The following SGO2 variants were observed in gnomAD, a reference collection of about 807,000 sequenced individuals.
SGO2 encodes shugoshin 2.
In SGO2, 68 loss-of-function variants were observed where a neutral mutation model predicts 99.5. The ratio of observed to expected loss-of-function variants is 0.68; its 90% CI spans 0.56 to 0.84. SGO2 has a LOEUF of 0.84. Among genes scored for constraint, SGO2 ranks in the 40% least tolerant of loss-of-function variants. The pLI, the probability that SGO2 is intolerant of heterozygous loss-of-function variation, is 0.00. For missense variants in SGO2, 1,350 were observed against 1,436.7 expected (o/e 0.94, Z 0.97); for synonymous variants, 457 against 487.1 (o/e 0.94, Z 0.81).
chr2:200,574,125 A>G (rs924742907), intron 7 of SGO2, 148 bp downstream of exon 7: 6 of 526,998 alleles, frequency 1.1e-5, no homozygotes, highest in Non-Finnish European at 1.9e-5. Flanking sequence ...ATCCATAGAA[A>G]TAGCATGAAG....
chr2:200,545,459 G>A (rs1180841021), intron 5 of SGO2, among the ~76,000 whole-genome samples: 1 of 151,414 alleles, frequency 6.6e-6, no homozygotes, highest in Non-Finnish European at 1.5e-5. Context: ...ACTAATTTTT[G>A]TGTCCTTTTG....
At chr2:200,575,488 G>A in intron 8 of SGO2, 27 bp downstream of exon 8, 2 of 1,510,962 alleles carry the variant, frequency 1.3e-6, no homozygotes, top group Non-Finnish European at 1.8e-6. Context: ...ATTTTAGTAT[G>A]CCATTATAAA....
chr2:200,556,843 CAGAGACAG>C (rs1013622899), intron 5 of SGO2, among the ~76,000 whole-genome samples: 9 of 152,062 alleles, frequency 5.9e-5, no homozygotes, highest in African/African-American at 1.7e-4. Flanking sequence ...GAGACAGAGA[CAGAGACAG>C]AGAGACAGAG....
intron 5 of SGO2, among the ~76,000 whole-genome samples, chr2:200,568,507 G>A (rs576022111): frequency 1.6e-4 from 24 of 152,176 alleles, no homozygotes; most frequent in African/African-American, 4.6e-4. Flanking sequence ...TAGCTGCTTC[G>A]AATCTTCCTC....
intron 5 of SGO2, among the ~76,000 whole-genome samples, chr2:200,556,831 G>GAGAGAC (rs556227851): frequency 2.6e-5 from 4 of 152,174 alleles, no homozygotes; most frequent in African/African-American, 9.6e-5. Flanking sequence ...GAGAGAGAGA[G>GAGAGAC]AGAGACAGAG....
At position 200,537,706 on chromosome 2, in the gene SGO2, T is replaced by C. The variant is rs142315251; in HGVS notation, c.387+1564T>C. 1.7e-4 allele frequency among the ~76,000 whole-genome samples: 26 copies of C among 152,268 alleles called. No individual in the cohort carries two copies. The East Asian group carries it at 4.4e-3, about 26-fold the overall frequency. ...TCCTAAATAATTTTATTCTATCTTA[T>C]GGTTTTAATTACTGCTATACACTGT... On this transcript the variant is annotated intron_variant, in intron 4 of 8. Coordinates refer to ENST00000357799, the MANE Select transcript of SGO2 (RefSeq NM_152524.6).
intron 5 of SGO2, among the ~76,000 whole-genome samples, chr2:200,544,721 A>ATCTT (rs1478065510): frequency 1.3e-5 from 2 of 151,822 alleles, no homozygotes; most frequent in African/African-American, 2.4e-5. Context: ...CTATCTATCT[A>ATCTT]TCTATCTATC....
At chr2:200,546,026 C>T (rs890611423) in intron 5 of SGO2, among the ~76,000 whole-genome samples, 2 of 152,138 alleles carry the variant, frequency 1.3e-5, no homozygotes, top group South Asian at 4.1e-4. Flanking sequence ...AACTCCTAGC[C>T]AGCCTTCCCA....
chr2:200,568,349 G>T (rs754135026), intron 5 of SGO2, among the ~76,000 whole-genome samples: 2 of 151,992 alleles, frequency 1.3e-5, no homozygotes, highest in African/African-American at 4.8e-5. Flanking sequence ...ATTGCACCTG[G>T]GTATTGTGTA....
At chr2:200,558,378 T>G (rs1255610665) in intron 5 of SGO2, among the ~76,000 whole-genome samples, 2 of 152,144 alleles carry the variant, frequency 1.3e-5, no homozygotes, top group African/African-American at 4.8e-5. Flanking sequence ...TTTCTGTCAC[T>G]ATTGAGTAGA....
intron 8 of SGO2, 115 bp from the exon 9 acceptor site, chr2:200,583,334 G>A: frequency 1.3e-6 from 1 of 781,098 alleles, no homozygotes. Context: ...CAAAGCTTAT[G>A]GTTTAAGGAA....
intron 8 of SGO2, chr2:200,576,234 C>CTT (rs917329225): frequency 9.3e-6 from 2 of 214,450 alleles, no homozygotes; most frequent in East Asian, 1.4e-4. Context: ...TTTCTTTTTT[C>CTT]TTTTTTTTTT....
intron 8 of SGO2, among the ~76,000 whole-genome samples, chr2:200,581,133 A>G (rs1324225212): frequency 6.6e-6 from 1 of 152,162 alleles, no homozygotes; most frequent in African/African-American, 2.4e-5. Flanking sequence ...TTTGTGACCT[A>G]CTATAGGATC....
intron 5 of SGO2, among the ~76,000 whole-genome samples, chr2:200,547,066 G>A (rs1332842399): frequency 1.3e-5 from 2 of 152,064 alleles, no homozygotes; most frequent in African/African-American, 4.8e-5. Context: ...ACAACTTCAA[G>A]GCATATAATA....
chr2:200,530,050 T>C (rs2106299348), intron 1 of SGO2, among the ~76,000 whole-genome samples: 1 of 152,154 alleles, frequency 6.6e-6, no homozygotes, highest in South Asian at 2.1e-4. Context: ...GGGAATGCGA[T>C]AGAGGGAGAG....
chr2:200,548,103 C>T (rs2032321499), intron 5 of SGO2, among the ~76,000 whole-genome samples: 1 of 148,688 alleles, frequency 6.7e-6, no homozygotes, highest in Admixed American at 6.8e-5. Context: ...AGAAAATCAA[C>T]AAAGAAACAG....
intron 5 of SGO2, among the ~76,000 whole-genome samples, chr2:200,559,255 T>C (rs1416486332): frequency 6.6e-6 from 1 of 152,214 alleles, no homozygotes; most frequent in Non-Finnish European, 1.5e-5. Context: ...ATGTGCTTAA[T>C]GTGTTTTGGG....
intron 5 of SGO2, among the ~76,000 whole-genome samples, chr2:200,558,267 G>A (rs1212439948): frequency 6.6e-6 from 1 of 151,972 alleles, no homozygotes; most frequent in African/African-American, 2.4e-5. Flanking sequence ...GTCTGCTCTT[G>A]GGTTTTTGTA....
chr2:200,556,687 C>A (rs1316014223), intron 5 of SGO2, among the ~76,000 whole-genome samples: 1 of 152,198 alleles, frequency 6.6e-6, no homozygotes, highest in Non-Finnish European at 1.5e-5. Context: ...CGCCAGTAAG[C>A]TACAGCATTG....
Sources: gnomAD v4.1 joint callset for allele counts (sites outside exome capture counted in the v4.1 genomes callset) on GRCh38, gnomAD v4.1.1 for gene constraint, MANE v1.5 for transcripts, NCBI Gene and HGNC (gene_info 2026-07-23, HGNC 2026-07-21) for gene names.